The following PARP15 variants were observed in gnomAD, a reference collection of about 807,000 sequenced individuals.
PARP15 encodes protein mono-ADP-ribosyltransferase PARP15.
In PARP15, 50 loss-of-function variants were observed where a neutral mutation model predicts 62.1. The ratio of observed to expected loss-of-function variants is 0.81; its 90% CI spans 0.64 to 1.02. The LOEUF (loss-of-function observed/expected upper bound fraction) is 1.02. PARP15 is among the 50% of genes least tolerant of loss of function. The pLI is 0.00. For synonymous variants in PARP15, 309 were observed against 293.1 expected, an observed-to-expected ratio of 1.05 and a Z score of -0.55; for missense variants, 820 against 826.5, an observed-to-expected ratio of 0.99 and a Z score of 0.10.
intron 9 of PARP15, among the ~76,000 whole-genome samples, chr3:122,628,232 G>T (rs113798177): frequency 0.02 from 3,109 of 152,254 alleles, 51 homozygotes; most frequent in Non-Finnish European, 0.033. Context: ...TCTTTTAAGC[G>T]CTGAGAGTCT....
chr3:122,587,357 T>C (rs1933526618), intron 1 of PARP15, among the ~76,000 whole-genome samples: 1 of 152,210 alleles, frequency 6.6e-6, no homozygotes. Context: ...TGTTTAGATT[T>C]GTAAGAAACT....
Position 122,608,206 on chromosome 3 carries a change from CTCTTTTCTTTTTTTT to C in PARP15, c.306+2153_306+2167del, listed in dbSNP as rs1476893190. ...AATCCCATGCTTTCTTTTTTTCTTT[CTCTTTTCTTTTTTTT>C]TTTTTTTTTTTTTGATACTGAGTCT... is the stretch of plus-strand genomic sequence containing the variant. On this transcript the variant is annotated intron_variant, in intron 2 of 11. Transcript: ENST00000464300. 8.7e-3 allele frequency among the ~76,000 whole-genome samples: 1,255 copies of C among 145,062 alleles called. 13 individuals are homozygous for C. The highest frequency in any genetic ancestry group is 0.031 in the African/African-American group (1,215 of 38,686).
chr3:122,579,427 T>G (rs1392943915), intron 1 of PARP15, among the ~76,000 whole-genome samples: 1 of 152,178 alleles, frequency 6.6e-6, no homozygotes, highest in African/African-American at 2.4e-5. Context: ...TTTTGACAAA[T>G]GTTTACCAGT....
At chr3:122,586,022 G>C (rs1431238873) in intron 1 of PARP15, among the ~76,000 whole-genome samples, 4 of 152,082 alleles carry the variant, frequency 2.6e-5, no homozygotes, top group Admixed American at 2.0e-4. Flanking sequence ...AATAAATATA[G>C]AACTTTTATT....
intron 2 of PARP15, 39 bp downstream of exon 2, chr3:122,606,094 G>A: frequency 6.5e-7 from 1 of 1,536,558 alleles, no homozygotes; most frequent in South Asian, 1.2e-5. Context: ...AAGGAACAGT[G>A]GGATCTATTT....
At chr3:122,579,433 C>G (rs113555651) in intron 1 of PARP15, among the ~76,000 whole-genome samples, 7 of 152,104 alleles carry the variant, frequency 4.6e-5, no homozygotes, top group African/African-American at 1.7e-4. Flanking sequence ...CAAATGTTTA[C>G]CAGTATAATG....
intron 9 of PARP15, 36 bp from the exon 10 acceptor site, chr3:122,632,049 AT>A: frequency 6.2e-7 from 1 of 1,613,630 alleles, no homozygotes. Context: ...GTCTTTGGAA[AT>A]GAATGTTGTG....
chr3:122,636,096 C>T lies in PARP15; in HGVS notation c.2033C>T (p.Ala678Val), dbSNP rs1471358473. The T allele has an allele frequency of 6.2e-7, 1 of 1,606,814 alleles. No individual in the cohort carries two copies. The highest frequency in any genetic ancestry group is 1.3e-5 in the African/African-American group (1 of 74,630). The change falls in exon 12 of 12, where the codon GCT (alanine) becomes GTT (valine). Residue 678 changes from alanine (A) to valine (V), a missense_variant. Ala to Val is a moderately conservative substitution (Grantham distance 64, BLOSUM62 0). Transcript: ENST00000464300. ...AYPEYLITFT[A>V] ...CCAGAATATCTCATAACTTTCACGG[C>T]TTAAAAATATTTTTATCATCAAAGA...
At chr3:122,619,258 C>G (rs1936182207) in intron 6 of PARP15, among the ~76,000 whole-genome samples, 1 of 151,994 alleles carries the variant, frequency 6.6e-6, no homozygotes, top group African/African-American at 2.4e-5. Context: ...TGTCAAAATG[C>G]AAAGTCCATA....
intron 1 of PARP15, among the ~76,000 whole-genome samples, chr3:122,604,695 T>C (rs530006012): frequency 3.1e-4 from 47 of 152,074 alleles, no homozygotes; most frequent in Middle Eastern, 3.4e-3. Flanking sequence ...TTTGTATCTT[T>C]GTAAAGATAC....
intron 1 of PARP15, among the ~76,000 whole-genome samples, chr3:122,587,795 C>T (rs955980327): frequency 4.6e-5 from 7 of 152,206 alleles, no homozygotes; most frequent in Non-Finnish European, 8.8e-5. Flanking sequence ...ACTAGGATTA[C>T]AGGCTGGTGT....
At position 122,617,162 on chromosome 3, in the gene PARP15, C is replaced by T. The variant is rs1936030671; in HGVS notation, c.998C>T (p.Ser333Leu). 1 of 1,610,918 alleles carries T rather than the reference C, an allele frequency of 6.2e-7. No homozygotes were observed. Among genetic ancestry groups the T allele is most frequent in the African/African-American group, 1.3e-5 (1 of 74,888 alleles). The change falls in exon 6 of 12, where the codon TCA becomes TTA. Residue 333 changes from serine (S) to leucine (L), a missense_variant and splice_region_variant. Ser to Leu is a moderately radical substitution (Grantham distance 145). This residue lies in a region of PARP15 where 731 missense variants were observed against 727.7 expected (regional missense o/e 1.00). Coordinates refer to ENST00000464300, the MANE Select transcript of PARP15 (RefSeq NM_001113523.3). ...NSTARTFNRK[S>L]GVSRAILEGA... ...ACAGCAAGGACATTTAATCGGAAAT[C>T]AGGTACTTTATTTAAGCAATATATT...
chr3:122,614,858 A>G (rs1357269827), intron 4 of PARP15, among the ~76,000 whole-genome samples: 1 of 152,124 alleles, frequency 6.6e-6, no homozygotes, highest in African/African-American at 2.4e-5. Flanking sequence ...GCAAAACCTC[A>G]TCTCTACAAA....
chr3:122,615,216 T>C, intron 4 of PARP15: 1 of 1,270,928 alleles, frequency 7.9e-7, no homozygotes, highest in Non-Finnish European at 1.0e-6. Flanking sequence ...TGCCTTTTTG[T>C]TTTTTCCATT....
In PARP15 at chr3:122,607,947, A is replaced by G. The variant is rs539650825; in HGVS notation, c.306+1892A>G. ...TCAGTACTACCCTTACCTCCTTGTCACTCTTTAATCTGTCCTCTACATCAC... is the reference window on the plus strand; with the variant it reads ...TCAGTACTACCCTTACCTCCTTGTCGCTCTTTAATCTGTCCTCTACATCAC... On this transcript the variant is annotated intron_variant, in intron 2 of 11. Coordinates refer to ENST00000464300, the MANE Select transcript of PARP15 (RefSeq NM_001113523.3). 5.3e-4 allele frequency among the ~76,000 whole-genome samples: 80 copies of G among 151,858 alleles called. No individual in the cohort carries two copies. In the East Asian group the frequency reaches 7.4e-3, roughly 14 times the overall value.
At chr3:122,584,313 G>T (rs372349727) in intron 1 of PARP15, among the ~76,000 whole-genome samples, 3 of 151,706 alleles carry the variant, frequency 2.0e-5, no homozygotes, top group East Asian at 3.9e-4. Context: ...CTTAATTTAG[G>T]GTCTTCCAGG....
At chr3:122,592,328 C>T (rs138030977) in intron 1 of PARP15, among the ~76,000 whole-genome samples, 1,730 of 152,204 alleles carry the variant, frequency 0.011, 31 homozygotes, top group African/African-American at 0.038. Context: ...CCTCAGCAAA[C>T]TAACACAGGA....
rs971382169 is a variant in PARP15 at position 122,637,342 on chromosome 3, T to C, written c.*1242T>C. ...TATTCCGCCGTGGGACAGTGTTAAT[T>C]AGTGGAAAACTCTTTTTCAAAAGTT... On this transcript the variant is annotated 3_prime_UTR_variant, in exon 12 of 12. Transcript: ENST00000464300. 8.5e-5 allele frequency: 13 copies of C among 152,214 alleles called. No individual in the cohort carries two copies. The highest frequency in any genetic ancestry group is 3.1e-4 in the African/African-American group (13 of 41,532). The allele number at this position is 152,214 out of a possible 1,614,324, so 9.4% of individuals were successfully genotyped here.
At chr3:122,604,289 C>G (rs1358016889) in intron 1 of PARP15, among the ~76,000 whole-genome samples, 2 of 152,148 alleles carry the variant, frequency 1.3e-5, no homozygotes, top group African/African-American at 4.8e-5. Context: ...CCTTTAAATT[C>G]TAAAATTCTA....
Sources: allele counts gnomAD v4.1 joint callset (sites outside exome capture counted in the v4.1 genomes callset), GRCh38; gene constraint gnomAD v4.1.1; regional missense constraint gnomAD v4.1.1; transcripts MANE v1.5; gene names NCBI Gene and HGNC (gene_info 2026-07-23, HGNC 2026-07-21).